Variants in LILRA6 observed in about 807,000 individuals in gnomAD.
LILRA6 encodes the protein leukocyte immunoglobulin-like receptor subfamily A member 6.
LILRA6 carries 16 observed loss-of-function variants against 53.9 expected under a neutral mutation model. The ratio of observed to expected loss-of-function variants is 0.30; its 90% CI spans 0.20 to 0.45. LILRA6 has a LOEUF of 0.45. Among genes scored for constraint, LILRA6 ranks in the 20% least tolerant of loss-of-function variants. The pLI is 1.00. For missense variants in LILRA6, 306 were observed against 618.6 expected (o/e 0.49, Z 5.36); for synonymous variants, 135 against 256.4 (o/e 0.53, Z 4.52).
rs758274752 is a variant in LILRA6, at chr19:54,242,248, C to T, written c.133G>A (p.Val45Met). The change falls in exon 3 of 8, where the codon GTG becomes ATG. Residue 45 changes from valine (V) to methionine (M), a missense_variant. Around this residue, in one of 9 missense-constraint regions of LILRA6, gnomAD observed 27 missense variants for 107.0 expected, o/e 0.25. Transcript: ENST00000396365. ...AGGCTCCCCTGACACCAGATGGTCA[C>T]GGGGCTCCCCCAGCTGATCACAGAG... 8 of 1,418,688 alleles carry T rather than the reference C, an allele frequency of 5.6e-6. 2 individuals are homozygous for T. Among genetic ancestry groups the T allele is most frequent in the Non-Finnish European group, 4.8e-6 (5 of 1,046,822 alleles). The allele number at this position is 1,418,688 out of a possible 1,614,324, so 87.9% of individuals were successfully genotyped here. A position where few individuals can be genotyped will look rare whatever the true frequency, so the allele number is the denominator to read the frequency against.
At chr19:54,237,702 A>G (rs530824892), downstream of LILRA6, 4 of 150,906 alleles carry the variant, frequency 2.7e-5, no homozygotes, top group South Asian at 6.3e-4. Flanking sequence ...CTCCCTAGAA[A>G]ATAAATGCTG....
chr19:54,239,388 G>A, intron 7 of LILRA6: 3 of 729,878 alleles, frequency 4.1e-6, no homozygotes, highest in Non-Finnish European at 6.4e-6. Context: ...CTCTCCTGCA[G>A]CAGGGCTCCC....
chr19:54,239,034 G>GC lies in LILRA6; in HGVS notation c.1364dup (p.Val457GlyfsTer11). On this transcript the variant is annotated frameshift_variant, in exon 8 of 8. Transcript: ENST00000396365. LOFTEE classifies it high-confidence loss of function. ...GAATCCCGAGGAACACCAGGACCAA[G>GC]CCTGCCATGCCCATGCGGATGAGAT... 3 of 1,611,362 alleles carry GC rather than the reference G, an allele frequency of 1.9e-6. No individual in the cohort carries two copies. Among genetic ancestry groups the GC allele is most frequent in the Non-Finnish European group, 2.5e-6 (3 of 1,179,450 alleles).
chr19:54,240,938 A>C (rs1384452232), exon 5 of LILRA6: 1 of 1,613,944 alleles, frequency 6.2e-7, no homozygotes, highest in African/African-American at 1.3e-5. Context: ...CACAGGGCCC[A>C]GGGTGAAGTT....
At chr19:54,240,743 C>A (rs1376944464) in intron 5 of LILRA6, 88 bp downstream of exon 5, 3 of 1,594,082 alleles carry the variant, frequency 1.9e-6, no homozygotes, top group South Asian at 2.3e-5. Context: ...GGGACCCCCA[C>A]CCCTCATCCC....
chr19:54,239,373 C>T, intron 7 of LILRA6: 1 of 796,458 alleles, frequency 1.3e-6, no homozygotes, highest in East Asian at 3.2e-5. Context: ...CTCAATAAAC[C>T]CTCCCTCTCC....
chr19:54,239,194 C>A (rs532167363), intron 7 of LILRA6, 105 bp from the exon 8 acceptor site: 5 of 1,580,154 alleles, frequency 3.2e-6, no homozygotes, highest in African/African-American at 2.8e-5. Context: ...ATTGACAGAA[C>A]CTGACCCTCT....
chr19:54,239,318 C>T (rs1388799392), intron 7 of LILRA6: 5 of 1,343,574 alleles, frequency 3.7e-6, no homozygotes, highest in African/African-American at 3.1e-5. Flanking sequence ...CTGGGCTCTG[C>T]GTTCTTATTC....
chr19:54,239,384 T>G (rs1451522875), intron 7 of LILRA6: 1 of 745,340 alleles, frequency 1.3e-6, no homozygotes, highest in South Asian at 2.1e-5. Flanking sequence ...CTCCCTCTCC[T>G]GCAGCAGGGC....
At chr19:54,236,703 T>G (rs2078646185), downstream of LILRA6, 1 of 150,986 alleles carries the variant, frequency 6.6e-6, no homozygotes, top group Non-Finnish European at 1.5e-5. Flanking sequence ...ATATACACAA[T>G]GAAATAATAT....
intron 7 of LILRA6, 154 bp from the exon 8 acceptor site, chr19:54,239,243 G>C (rs2078683542): frequency 6.5e-7 from 1 of 1,535,184 alleles, no homozygotes; most frequent in African/African-American, 1.4e-5. Flanking sequence ...TTTGTGATGG[G>C]GTGAGGGTCT....
intron 7 of LILRA6, 170 bp downstream of exon 7, chr19:54,239,731 T>C (rs575770824): frequency 7.1e-7 from 1 of 1,401,686 alleles, no homozygotes; most frequent in Admixed American, 2.1e-5. Flanking sequence ...CTCCTCCTCC[T>C]GGCTGGGCCC....
chr19:54,239,670 C>T (rs1185200350), intron 7 of LILRA6: 6 of 1,534,284 alleles, frequency 3.9e-6, no homozygotes, highest in African/African-American at 1.4e-5. Context: ...CCTCCTGGGT[C>T]AGGACAGGGA....
At position 54,242,063 on chromosome 19, in the gene LILRA6, C is replaced by T. The variant is rs368710856; in HGVS notation, c.318G>A (p.Trp106Ter). 3 of 1,413,052 alleles carry T rather than the reference C, an allele frequency of 2.1e-6. 1 individual carries two copies. Among genetic ancestry groups the T allele is most frequent in the Non-Finnish European group, 2.9e-6 (3 of 1,042,798 alleles). The allele number at this position is 1,413,052 out of a possible 1,614,324, so 87.5% of individuals were successfully genotyped here. A position where few individuals can be genotyped will look rare whatever the true frequency, so the allele number is the denominator to read the frequency against. ...GCTCCAGGGGGTCGCTGGGCTCTGA[C>T]CAGCCTGCAGAGCTGTAATAGTGGC... Residue 106 changes from tryptophan to a stop codon, truncating the protein, a stop_gained, in exon 3 of 8, where the codon TGG becomes TGA. Transcript: ENST00000396365. LOFTEE classifies it high-confidence loss of function.
At chr19:54,238,923 C>T (rs199542048) in exon 8 of LILRA6, 172 of 1,606,630 alleles carry the variant, frequency 1.1e-4, no homozygotes, top group Admixed American at 5.5e-4. Flanking sequence ...GGCTCCACCA[C>T]GCTGAAGGGT....
At chr19:54,238,123 C>T (rs1235019480), downstream of LILRA6, 2 of 150,118 alleles carry the variant, frequency 1.3e-5, no homozygotes, top group Non-Finnish European at 2.9e-5. Flanking sequence ...AACTTGCTTC[C>T]GTCTCCCAGG....
rs1442537066 is a variant in LILRA6 at position 54,241,438 on chromosome 19, C to A, written c.658+138G>T. The A allele has an allele frequency of 1.1e-4, 131 of 1,139,780 alleles. 6 individuals are homozygous for A. In the East Asian group the frequency reaches 3.1e-3, roughly 27 times the overall value. The allele number at this position is 1,139,780 out of a possible 1,614,324, so 70.6% of individuals were successfully genotyped here. ...TCCTCCTCCCATGTCAGAGCCTCCCCATGGGGTCTCCCTCATGCCTTCAGC... is the reference window on the plus strand; with the variant it reads ...TCCTCCTCCCATGTCAGAGCCTCCCAATGGGGTCTCCCTCATGCCTTCAGC... On this transcript the variant is annotated intron_variant, in intron 4 of 7. Coordinates refer to ENST00000396365, the Ensembl canonical transcript of LILRA6.
exon 8 of LILRA6, chr19:54,238,875 C>T (rs2078672124): frequency 5.1e-6 from 8 of 1,568,250 alleles, no homozygotes; most frequent in Non-Finnish European, 6.9e-6. Context: ...CCTAGATTGT[C>T]CTCCAGAGCC....
chr19:54,241,915 C>T (rs2078775049), intron 3 of LILRA6, 37 bp from the exon 4 acceptor site: 1 of 1,273,374 alleles, frequency 7.9e-7, no homozygotes, highest in African/African-American at 1.5e-5. Context: ...AATGGGGCTC[C>T]CACCTCCCAC....
Sources: gnomAD v4.1 joint callset for allele counts on GRCh38, gnomAD v4.1.1 for gene constraint, gnomAD v4.1.1 regional missense constraint, MANE v1.5 for transcripts, NCBI Gene and HGNC (gene_info 2026-07-23, HGNC 2026-07-21) for gene names.